Variants in ATP2B1 observed in about 807,000 individuals in gnomAD.
The protein encoded by ATP2B1 is plasma membrane calcium-transporting ATPase 1.
ATP2B1 carries 14 observed loss-of-function variants against 124.2 expected under a neutral mutation model. The observed-to-expected ratio is 0.11, with a 90% confidence interval of 0.07 to 0.18. The LOEUF (loss-of-function observed/expected upper bound fraction) is 0.18, where lower values mean the gene tolerates loss of function less well. Among genes scored for constraint, ATP2B1 ranks in the 10% least tolerant of loss-of-function variants. The probability of loss-of-function intolerance (pLI) is 1.00; values close to 1 mark genes in which losing one functional copy is unlikely to be tolerated. For missense variants in ATP2B1, 763 were observed against 1,466.1 expected (o/e 0.52, Z 7.83); for synonymous variants, 449 against 492.4 (o/e 0.91, Z 1.17).
chr12:89,602,974 G>C, intron 18 of ATP2B1, 69 bp downstream of exon 18: 1 of 1,376,390 alleles, frequency 7.3e-7, no homozygotes, highest in South Asian at 1.3e-5. Flanking sequence ...GTGATTGCTA[G>C]AACAAGCTGT....
At chr12:89,695,067 A>AAAAAAAAAAAAAAG (rs776192730) in intron 1 of ATP2B1, among the ~76,000 whole-genome samples, 2 of 146,080 alleles carry the variant, frequency 1.4e-5, no homozygotes, top group Non-Finnish European at 3.0e-5. Flanking sequence ...TCAAAAAAAA[A>AAAAAAAAAAAAAAG]AAAAGAAAAG....
At chr12:89,687,779 A>G (rs1890129912) in intron 1 of ATP2B1, among the ~76,000 whole-genome samples, 1 of 152,108 alleles carries the variant, frequency 6.6e-6, no homozygotes, top group African/African-American at 2.4e-5. Flanking sequence ...ACAACTTACA[A>G]TAATATTTAC....
intron 1 of ATP2B1, among the ~76,000 whole-genome samples, chr12:89,703,217 T>C (rs983214647): frequency 3.3e-5 from 5 of 152,190 alleles, no homozygotes; most frequent in Non-Finnish European, 7.4e-5. Context: ...TCAAAACTGG[T>C]CTTAAAGAGG....
intron 15 of ATP2B1, 41 bp from the exon 16 acceptor site, chr12:89,604,387 G>C: frequency 6.7e-7 from 1 of 1,489,544 alleles, no homozygotes; most frequent in Non-Finnish European, 9.1e-7. Flanking sequence ...AATGTTTTAA[G>C]TATAACTTTC....
At chr12:89,669,136 T>C (rs927420915) in intron 1 of ATP2B1, among the ~76,000 whole-genome samples, 12 of 152,232 alleles carry the variant, frequency 7.9e-5, no homozygotes, top group Middle Eastern at 6.8e-3. Context: ...CTTGTGTACA[T>C]TTCTTGTGTA....
At chr12:89,639,216 A>C (rs1345278731) in intron 3 of ATP2B1, among the ~76,000 whole-genome samples, 1 of 152,208 alleles carries the variant, frequency 6.6e-6, no homozygotes, top group Admixed American at 6.5e-5. Context: ...ATTTTAAAAA[A>C]TGCAAGGCTG....
At chr12:89,647,538 T>G (rs978827004) in intron 2 of ATP2B1, among the ~76,000 whole-genome samples, 2 of 152,208 alleles carry the variant, frequency 1.3e-5, no homozygotes, top group Non-Finnish European at 2.9e-5. Context: ...TACTGGAATG[T>G]TGGATGTAGA....
chr12:89,619,427 C>T (rs776011855), intron 11 of ATP2B1, among the ~76,000 whole-genome samples: 42 of 151,982 alleles, frequency 2.8e-4, no homozygotes, highest in Non-Finnish European at 3.7e-4. Context: ...GCCTGGCCAA[C>T]ATGGTGAAAC....
chr12:89,610,084 C>T lies in ATP2B1; in HGVS notation c.2336-41G>A, dbSNP rs1289412709. Reference sequence around the variant, plus strand: ...ATATTTGTGTTATAAAAACATTACTCTTTAATAAGATGATTCTGAAGAATA... The same window carrying T: ...ATATTTGTGTTATAAAAACATTACTTTTTAATAAGATGATTCTGAAGAATA... On this transcript the variant is annotated intron_variant, in intron 14 of 20. Coordinates refer to ENST00000428670, the MANE Select transcript of ATP2B1 (RefSeq NM_001366521.1). The T allele has an allele frequency of 5.3e-6, 8 of 1,520,160 alleles. No individual in the cohort carries two copies. The Admixed American group carries it at 1.2e-4, about 23-fold the overall frequency. The allele number at this position is 1,520,160 out of a possible 1,614,324, so 94.2% of individuals were successfully genotyped here.
chr12:89,692,208 T>C (rs1341060466), intron 1 of ATP2B1, among the ~76,000 whole-genome samples: 1 of 152,136 alleles, frequency 6.6e-6, no homozygotes, highest in African/African-American at 2.4e-5. Context: ...TACCATGATG[T>C]TATTCTTAAT....
At chr12:89,608,396 G>C (rs567807813) in intron 15 of ATP2B1, among the ~76,000 whole-genome samples, 13 of 151,812 alleles carry the variant, frequency 8.6e-5, no homozygotes, top group African/African-American at 3.1e-4. Flanking sequence ...GGCTGTTCTT[G>C]AACACCTGAC....
intron 1 of ATP2B1, among the ~76,000 whole-genome samples, chr12:89,673,253 G>A (rs975328049): frequency 5.9e-5 from 9 of 152,014 alleles, no homozygotes; most frequent in Non-Finnish European, 8.8e-5. Context: ...CCTACAAGAG[G>A]GAAATATTAT....
At position 89,603,804 on chromosome 12, in the gene ATP2B1, C is replaced by T. The variant is rs940976725; in HGVS notation, c.2756G>A (p.Arg919Lys). ...TGTACGTGAGATGAGAGGCTTATTT[C>T]TACCATAAGGTTTCCGAAGCAAGAG... The part of the protein sequence containing the change: ...ESLLLRKPYG[R>K]NKPLISRTMM... The change falls in exon 17 of 21, where the codon AGA (arginine) becomes AAA (lysine). Residue 919 changes from arginine (R) to lysine (K), a missense_variant. Arg to Lys is a conservative substitution (Grantham distance 26). Around this residue, in one of 7 missense-constraint regions of ATP2B1, gnomAD observed 118 missense variants for 240.3 expected, o/e 0.49. Transcript: ENST00000428670. The surrounding 1 kb of genome is among the most constrained non-coding windows in gnomAD (Gnocchi z 4.3). The T allele has an allele frequency of 1.2e-6, 2 of 1,614,038 alleles. No individual in the cohort carries two copies. The highest frequency in any genetic ancestry group is 1.7e-6 in the Non-Finnish European group (2 of 1,180,012).
intron 20 of ATP2B1, 152 bp downstream of exon 20, chr12:89,598,965 T>A (rs1473278161): frequency 3.9e-6 from 4 of 1,029,366 alleles, no homozygotes; most frequent in Non-Finnish European, 5.6e-6. Context: ...AAAGTCTCAC[T>A]CATTCCAGGC....
chr12:89,666,433 C>T (rs1887328400), intron 1 of ATP2B1, among the ~76,000 whole-genome samples: 1 of 152,194 alleles, frequency 6.6e-6, no homozygotes, highest in Admixed American at 6.5e-5. Flanking sequence ...ATTTGCTCTC[C>T]AGTGAACAAC....
intron 3 of ATP2B1, among the ~76,000 whole-genome samples, chr12:89,641,611 A>C (rs959645687): frequency 6.6e-6 from 1 of 152,182 alleles, no homozygotes; most frequent in African/African-American, 2.4e-5. Context: ...GGCACTCAAA[A>C]ATTTTGAATT....
In ATP2B1 at chr12:89,610,494, C is replaced by T. The variant is rs1565814912; in HGVS notation, c.2262G>A (p.Arg754=). 1.2e-6 allele frequency: 2 copies of T among 1,613,396 alleles called. No individual in the cohort carries two copies. The highest frequency in any genetic ancestry group is 2.7e-5 in the African/African-American group (2 of 74,888). Residue 754 remains arginine, a synonymous_variant, in exon 14 of 21, where the codon AGG becomes AGA. Transcript: ENST00000428670. The part of the protein sequence containing the change: ...RNEKGEIEQE[R]IDKIWPKLRV... ...GAAGTTTTGGCCAAATCTTGTCTAT[C>T]CTCTCTTGCTCAATCTATAAGTGTT...
chr12:89,660,116 C>T (rs771008311), intron 1 of ATP2B1, among the ~76,000 whole-genome samples: 5 of 151,978 alleles, frequency 3.3e-5, no homozygotes, highest in Admixed American at 2.6e-4. Context: ...GAAATATATG[C>T]TAATACAACT....
intron 1 of ATP2B1, among the ~76,000 whole-genome samples, chr12:89,664,739 A>G (rs1362994743): frequency 6.6e-6 from 1 of 152,216 alleles, no homozygotes; most frequent in Non-Finnish European, 1.5e-5. Context: ...CTACTGACAG[A>G]AAGTGTAGCC....
Sources: gnomAD v4.1 joint callset for allele counts (sites outside exome capture counted in the v4.1 genomes callset) on GRCh38, gnomAD v4.1.1 for gene constraint, gnomAD v4.1.1 regional missense constraint, Gnocchi (gnomAD v3.1) non-coding constraint, MANE v1.5 for transcripts, NCBI Gene and HGNC (gene_info 2026-07-23, HGNC 2026-07-21) for gene names.